Variants in FRMD6 observed in about 807,000 individuals in gnomAD.
FRMD6 encodes FERM domain containing 6.
Under a neutral mutation model 73.2 loss-of-function variants are expected in FRMD6, and 37 were observed. That is an observed-to-expected ratio of 0.51 (90% confidence interval 0.39 to 0.66). FRMD6 has a LOEUF of 0.66. Among genes scored for constraint, FRMD6 ranks in the 30% least tolerant of loss-of-function variants. The probability of loss-of-function intolerance (pLI) is 0.00; values close to 1 mark genes in which losing one functional copy is unlikely to be tolerated. For synonymous variants in FRMD6, 273 were observed against 282.2 expected (o/e 0.97, Z 0.33); for missense variants, 714 against 780.5 (o/e 0.91, Z 1.02).
intron 1 of FRMD6, among the ~76,000 whole-genome samples, chr14:51,672,084 C>T (rs2140245267): frequency 6.6e-6 from 1 of 152,282 alleles, no homozygotes; most frequent in African/African-American, 2.4e-5. Context: ...AGAGATGAAA[C>T]ATGGCTTTAC....
the FRMD6 span, among the ~76,000 whole-genome samples, chr14:51,473,291 T>C: frequency 6.6e-6 from 1 of 152,226 alleles, no homozygotes; most frequent in Admixed American, 6.5e-5. Flanking sequence ...GCCTATCTTA[T>C]TTTAAAAGGC....
At chr14:51,572,575 G>T (rs898337974) in intron 2 of FRMD6, among the ~76,000 whole-genome samples, 5 of 152,166 alleles carry the variant, frequency 3.3e-5, no homozygotes, top group Admixed American at 6.5e-5. Flanking sequence ...AAAACATTAG[G>T]ATTAAACAAG....
chr14:51,636,142 G>C (rs184323911), intron 2 of FRMD6, among the ~76,000 whole-genome samples: 2 of 152,192 alleles, frequency 1.3e-5, no homozygotes, highest in Non-Finnish European at 2.9e-5. Context: ...GGTGAGACAA[G>C]ATGGTGGATC....
chr14:51,569,973 A>G (rs141985590), intron 1 of FRMD6, among the ~76,000 whole-genome samples: 2,284 of 151,366 alleles, frequency 0.015, 22 homozygotes, highest in South Asian at 0.032. Context: ...GCGCCACCAC[A>G]CTCGGCTAAT....
At chr14:51,495,683 C>A (rs1292780368) in intron 1 of FRMD6, among the ~76,000 whole-genome samples, 1 of 152,172 alleles carries the variant, frequency 6.6e-6, no homozygotes, top group Non-Finnish European at 1.5e-5. Flanking sequence ...GACACTGAGC[C>A]AGCTAACAGC....
chr14:51,491,380 A>C (rs146732136), intron 1 of FRMD6: 2 of 152,290 alleles, frequency 1.3e-5, no homozygotes, highest in Non-Finnish European at 2.9e-5. Flanking sequence ...ACTCTGGAAA[A>C]TGTCTGAGTT....
In FRMD6 at chr14:51,627,655, T is replaced by C. The variant is rs74052626; in HGVS notation, c.-147+57245T>C. ...AGCAAGCACACTCCATTTCCATTCC[T>C]GATGCTTGAGAACAGAAGCAGCTTC... On this transcript the variant is annotated intron_variant, in intron 2 of 14. Coordinates refer to the FRMD6 transcript ENST00000356218. 6.7e-3 allele frequency among the ~76,000 whole-genome samples: 1,026 copies of C among 152,352 alleles called. 13 individuals are homozygous for C. Among genetic ancestry groups the C allele is most frequent in the African/African-American group, 0.023 (973 of 41,582 alleles).
the FRMD6 span, among the ~76,000 whole-genome samples, chr14:51,405,911 T>C: frequency 6.6e-6 from 1 of 152,108 alleles, no homozygotes; most frequent in Non-Finnish European, 1.5e-5. Context: ...CTCTGCCTGT[T>C]CCTATGACCA....
At chr14:51,655,316 C>T (rs1368156410) in intron 1 of FRMD6, among the ~76,000 whole-genome samples, 1 of 152,128 alleles carries the variant, frequency 6.6e-6, no homozygotes, top group African/African-American at 2.4e-5. Context: ...TATCATTACA[C>T]ATTTTGGGAG....
intron 1 of FRMD6, among the ~76,000 whole-genome samples, chr14:51,676,429 CTG>C (rs1894394472): frequency 1.3e-5 from 2 of 152,244 alleles, no homozygotes; most frequent in African/African-American, 4.8e-5. Flanking sequence ...TGGAAACAAA[CTG>C]TGTAGTAAGT....
chr14:51,600,236 C>G (rs376403521), intron 2 of FRMD6, among the ~76,000 whole-genome samples: 1 of 152,062 alleles, frequency 6.6e-6, no homozygotes, highest in Admixed American at 6.6e-5. Flanking sequence ...GAAATACGGT[C>G]GATAGCAAAA....
In FRMD6 at chr14:51,511,813, T is replaced by C. The variant is rs56975887; in HGVS notation, c.-210+22393T>C. ...ATGGGTGCAGCAAACCACCATGGCATGTGTATACCTATGTAACAAACCTGC... is the reference window on the plus strand; with the variant it reads ...ATGGGTGCAGCAAACCACCATGGCACGTGTATACCTATGTAACAAACCTGC... On this transcript the variant is annotated intron_variant, in intron 1 of 14. Coordinates refer to the FRMD6 transcript ENST00000356218. Among the ~76,000 whole-genome samples the C allele has an allele frequency of 5.2e-3, 793 of 152,006 alleles. 5 individuals carry two copies. The highest frequency in any genetic ancestry group is 0.018 in the African/African-American group (758 of 41,440).
chr14:51,471,804 A>G, the FRMD6 span, among the ~76,000 whole-genome samples: 1 of 152,188 alleles, frequency 6.6e-6, no homozygotes. Flanking sequence ...TTAAAAAAAG[A>G]AGAAAGAAAG....
intron 1 of FRMD6, among the ~76,000 whole-genome samples, chr14:51,657,365 T>A (rs894612921): frequency 1.3e-5 from 2 of 152,220 alleles, no homozygotes; most frequent in Non-Finnish European, 2.9e-5. Context: ...ATTACCAGCC[T>A]CTCTTTACAG....
At chr14:51,521,437 CT>C (rs1220997034) in intron 1 of FRMD6, among the ~76,000 whole-genome samples, 1 of 151,962 alleles carries the variant, frequency 6.6e-6, no homozygotes, top group African/African-American at 2.4e-5. Context: ...TCCATATATT[CT>C]TTTAACAGTC....
chr14:51,524,335 G>C (rs1885112372), intron 1 of FRMD6, among the ~76,000 whole-genome samples: 1 of 152,008 alleles, frequency 6.6e-6, no homozygotes, highest in South Asian at 2.1e-4. Context: ...CCAAAACATA[G>C]TAGTCACTCA....
the FRMD6 span, among the ~76,000 whole-genome samples, chr14:51,399,034 C>T: frequency 6.6e-6 from 1 of 152,212 alleles, no homozygotes; most frequent in Non-Finnish European, 1.5e-5. Flanking sequence ...CACATCGGCA[C>T]ACCCTAAACT....
the FRMD6 span, among the ~76,000 whole-genome samples, chr14:51,463,459 C>G: frequency 1.3e-5 from 2 of 152,160 alleles, no homozygotes; most frequent in African/African-American, 4.8e-5. Context: ...TGGAATTTTT[C>G]CCCCAGAAAA....
chr14:51,433,217 A>T, the FRMD6 span, among the ~76,000 whole-genome samples: 1,394 of 152,312 alleles, frequency 9.2e-3, 23 homozygotes, highest in African/African-American at 0.032. Context: ...ACTTCCAATG[A>T]TATGACAGTA....
Sources: allele counts gnomAD v4.1 joint callset (sites outside exome capture counted in the v4.1 genomes callset), GRCh38; gene constraint gnomAD v4.1.1; transcripts MANE v1.5; gene names NCBI Gene and HGNC (gene_info 2026-07-23, HGNC 2026-07-21).